PCDHA13: variants seen among roughly 807,000 people sequenced by gnomAD.
The protein encoded by PCDHA13 is protocadherin alpha-13.
A neutral mutation model predicts 64.8 loss-of-function variants in PCDHA13; 54 were observed. The ratio of observed to expected loss-of-function variants is 0.83; its 90% CI spans 0.67 to 1.04. The LOEUF (loss-of-function observed/expected upper bound fraction) is 1.04. PCDHA13 is among the 50% of genes least tolerant of loss of function. The probability of loss-of-function intolerance (pLI) is 0.00; values close to 1 mark genes in which losing one functional copy is unlikely to be tolerated. For missense variants in PCDHA13, 1,248 were observed against 1,254.3 expected, an observed-to-expected ratio of 0.99 and a Z score of 0.08; for synonymous variants, 587 against 564.4, an observed-to-expected ratio of 1.04 and a Z score of -0.57.
intron 1 of PCDHA13, among the ~76,000 whole-genome samples, chr5:140,893,346 C>A (rs1368723678): frequency 6.6e-6 from 1 of 152,104 alleles, no homozygotes; most frequent in Non-Finnish European, 1.5e-5. Context: ...AGTGGCAGTG[C>A]TAATTTACAT....
At chr5:140,947,854 A>G (rs2094183959) in intron 1 of PCDHA13, among the ~76,000 whole-genome samples, 1 of 151,504 alleles carries the variant, frequency 6.6e-6, no homozygotes, top group Non-Finnish European at 1.5e-5. Context: ...TTATTTTGTC[A>G]TTATAATGGC....
At chr5:140,966,805 T>G in intron 1 of PCDHA13, 1 of 1,545,566 alleles carries the variant, frequency 6.5e-7, no homozygotes, top group East Asian at 2.4e-5. Context: ...CGACAGAGCA[T>G]CCACGGCTCC....
intron 1 of PCDHA13, among the ~76,000 whole-genome samples, chr5:140,957,852 A>T (rs968818783): frequency 6.6e-6 from 1 of 151,658 alleles, no homozygotes. Flanking sequence ...GAGTTTGTGT[A>T]TTTTTTTTCC....
In PCDHA13 at chr5:140,913,634, C is replaced by T. The variant is rs145807488; in HGVS notation, c.2394+28972C>T. On this transcript the variant is annotated intron_variant, in intron 1 of 3. Transcript: ENST00000289272. ...TACTAATTTTGGATTCAGTTTGCTG[C>T]TGCTTTTCTAGTTCTTTAAGATGTA... Among the ~76,000 whole-genome samples the T allele has an allele frequency of 8.0e-3, 1,219 of 152,090 alleles. 7 individuals carry two copies. Among genetic ancestry groups the T allele is most frequent in the African/African-American group, 0.019 (785 of 41,506 alleles).
At chr5:140,998,585 A>C (rs1227951754) in intron 3 of PCDHA13, among the ~76,000 whole-genome samples, 1 of 148,644 alleles carries the variant, frequency 6.7e-6, no homozygotes, top group Non-Finnish European at 1.5e-5. Context: ...TTTTTTTGAG[A>C]CAGAGTTTTG....
intron 3 of PCDHA13, among the ~76,000 whole-genome samples, chr5:140,998,871 A>C (rs1554256499): frequency 6.6e-6 from 1 of 152,200 alleles, no homozygotes; most frequent in African/African-American, 2.4e-5. Flanking sequence ...CTTGTAAATA[A>C]TAAGTTTAGT....
At position 140,947,043 on chromosome 5, in the gene PCDHA13, G is replaced by T. The variant is rs188994500; in HGVS notation, c.2395-31906G>T. Among the ~76,000 whole-genome samples the T allele has an allele frequency of 1.7e-3, 259 of 151,702 alleles. 2 individuals carry two copies. Among genetic ancestry groups the T allele is most frequent in the African/African-American group, 5.9e-3 (243 of 41,466 alleles). On this transcript the variant is annotated intron_variant, in intron 1 of 3. Transcript: ENST00000289272. ...AGGTAATGGATATACTAATTACCCT[G>T]ATTTGATCATTACACAGTGTATATA... is the stretch of plus-strand genomic sequence containing the variant.
intron 1 of PCDHA13, among the ~76,000 whole-genome samples, chr5:140,893,033 A>G (rs1246631946): frequency 1.3e-5 from 2 of 152,230 alleles, no homozygotes; most frequent in African/African-American, 2.4e-5. Flanking sequence ...TTCACTTAAC[A>G]TATGCCCTCC....
chr5:140,908,169 C>T (rs1361651305), intron 1 of PCDHA13, among the ~76,000 whole-genome samples: 2 of 152,192 alleles, frequency 1.3e-5, no homozygotes, highest in African/African-American at 4.8e-5. Context: ...TGTAGTGCTG[C>T]AGCTGTCCAC....
At chr5:141,002,232 A>G (rs2098067070) in intron 3 of PCDHA13, among the ~76,000 whole-genome samples, 2 of 152,226 alleles carry the variant, frequency 1.3e-5, no homozygotes, top group African/African-American at 4.8e-5. Flanking sequence ...GTTTTCTGGA[A>G]GCTCTTTATT....
intron 1 of PCDHA13, among the ~76,000 whole-genome samples, chr5:140,921,417 A>C (rs1292321863): frequency 6.6e-6 from 1 of 152,210 alleles, no homozygotes; most frequent in Non-Finnish European, 1.5e-5. Flanking sequence ...TCTGTGCTGC[A>C]GACAAAAATT....
chr5:140,921,203 G>A (rs782776779), intron 1 of PCDHA13, among the ~76,000 whole-genome samples: 22 of 151,476 alleles, frequency 1.5e-4, no homozygotes, highest in Non-Finnish European at 2.7e-4. Context: ...GATTGACAAC[G>A]ATAATTCACG....
intron 1 of PCDHA13, among the ~76,000 whole-genome samples, chr5:140,974,059 G>A (rs1233997260): frequency 6.6e-6 from 1 of 152,180 alleles, no homozygotes; most frequent in Non-Finnish European, 1.5e-5. Context: ...AATATTTGGA[G>A]CAGTATAATC....
At chr5:140,908,452 T>A (rs2073982140) in intron 1 of PCDHA13, among the ~76,000 whole-genome samples, 1 of 152,196 alleles carries the variant, frequency 6.6e-6, no homozygotes, top group African/African-American at 2.4e-5. Context: ...TATGGCTAGA[T>A]GGATCAGAAA....
intron 1 of PCDHA13, among the ~76,000 whole-genome samples, chr5:140,952,641 G>T (rs1033672347): frequency 1.3e-5 from 2 of 152,102 alleles, no homozygotes; most frequent in Non-Finnish European, 2.9e-5. Flanking sequence ...TCCAACCTGT[G>T]CCTGGTTACC....
At chr5:140,999,114 T>C (rs2097847387) in intron 3 of PCDHA13, among the ~76,000 whole-genome samples, 2 of 152,180 alleles carry the variant, frequency 1.3e-5, no homozygotes, top group Non-Finnish European at 2.9e-5. Context: ...CTAGCAACCA[T>C]TTCTAAGCTG....
At position 141,011,088 on chromosome 5, in the gene PCDHA13, TTCTC is replaced by T. The variant is rs375099849; in HGVS notation, c.*1165_*1168del. Reference sequence around the variant, plus strand: ...TATTACTAAATAAAATGATCTCTCTTTCTCTCTCTCTCTCTCTTTTCTAAGAAAC... The same window carrying T: ...TATTACTAAATAAAATGATCTCTCTTTCTCTCTCTCTCTTTTCTAAGAAAC... On this transcript the variant is annotated 3_prime_UTR_variant, in exon 4 of 4. Coordinates refer to ENST00000289272, the MANE Select transcript of PCDHA13 (RefSeq NM_018904.3). 16 of 152,024 alleles carry T rather than the reference TTCTC, an allele frequency of 1.1e-4. No individual in the cohort carries two copies. Among genetic ancestry groups the T allele is most frequent in the African/African-American group, 2.2e-4 (9 of 41,160 alleles). 9.4% of individuals were successfully genotyped at this position (152,024 alleles called of 1,614,324 possible).
Position 140,883,387 on chromosome 5 carries a change from T to C in PCDHA13, c.1119T>C (p.Ser373=). ...CTAGCGCCATTATTGCCCTAATCAG[T>C]GTGTCCGATCGTGACTCTGGCTCAA... ...TQPSAIIALI[S]VSDRDSGSNG... is the part of the protein sequence containing the mutation. The change falls in exon 1 of 4, where the codon AGT becomes AGC. Residue 373 remains serine (S), a synonymous_variant. Coordinates refer to ENST00000289272, the MANE Select transcript of PCDHA13 (RefSeq NM_018904.3). 1 of 1,614,150 alleles carries C rather than the reference T, an allele frequency of 6.2e-7. No individual in the cohort carries two copies. The highest frequency in any genetic ancestry group is 8.5e-7 in the Non-Finnish European group (1 of 1,180,028).
chr5:140,891,602 T>G (rs1002471186), intron 1 of PCDHA13, among the ~76,000 whole-genome samples: 16 of 152,184 alleles, frequency 1.1e-4, no homozygotes, highest in Non-Finnish European at 1.8e-4. Context: ...TCCCATCTAT[T>G]TCTACCTTTT....
Sources: gnomAD v4.1 joint callset for allele counts (sites outside exome capture counted in the v4.1 genomes callset) on GRCh38, gnomAD v4.1.1 for gene constraint, MANE v1.5 for transcripts, NCBI Gene and HGNC (gene_info 2026-07-23, HGNC 2026-07-21) for gene names.